Variants in TMEM65 observed in about 807,000 individuals in gnomAD.
TMEM65 encodes transmembrane protein 65.
Under a neutral mutation model 25.4 loss-of-function variants are expected in TMEM65, and 22 were observed. The observed-to-expected ratio is 0.86, with a 90% confidence interval of 0.62 to 1.23. The LOEUF is 1.23. Ranked by LOEUF, TMEM65 falls within the 50% of genes most tolerant of loss-of-function variation. The pLI is 0.00. For missense variants in TMEM65, 262 were observed against 308.2 expected, an observed-to-expected ratio of 0.85 and a Z score of 1.12; for synonymous variants, 132 against 126.2, an observed-to-expected ratio of 1.05 and a Z score of -0.31.
intron 1 of TMEM65, among the ~76,000 whole-genome samples, chr8:124,370,243 G>A (rs1814994772): frequency 6.6e-6 from 1 of 152,114 alleles, no homozygotes; most frequent in Admixed American, 6.5e-5. Flanking sequence ...TGTTTTTCAA[G>A]AACTGCCACA....
chr8:124,320,785 T>C (rs1217235201), intron 5 of TMEM65, among the ~76,000 whole-genome samples: 3 of 152,194 alleles, frequency 2.0e-5, no homozygotes, highest in African/African-American at 7.2e-5. Context: ...AAACTATGTA[T>C]ACTACCAACA....
chr8:124,326,590 A>G (rs990528250), intron 3 of TMEM65, among the ~76,000 whole-genome samples: 1 of 152,094 alleles, frequency 6.6e-6, no homozygotes, highest in Non-Finnish European at 1.5e-5. Context: ...TCTAATTGTA[A>G]TGAAAACCCC....
At chr8:124,333,496 T>TGTGC (rs1814463166) in intron 1 of TMEM65, among the ~76,000 whole-genome samples, 1 of 151,670 alleles carries the variant, frequency 6.6e-6, no homozygotes, top group Admixed American at 6.6e-5. Flanking sequence ...TGTGTGTGTG[T>TGTGC]GTCTGTGTGT....
intron 5 of TMEM65, 29 bp downstream of exon 5, chr8:124,322,076 T>TATACAAATGA: frequency 6.4e-7 from 1 of 1,563,568 alleles, no homozygotes. Context: ...AAGTACAGAA[T>TATACAAATGA]ATACAAATGA....
At chr8:124,349,114 T>C (rs140707767) in intron 1 of TMEM65, among the ~76,000 whole-genome samples, 1 of 152,322 alleles carries the variant, frequency 6.6e-6, no homozygotes, top group Non-Finnish European at 1.5e-5. Context: ...AGAACTCAGA[T>C]TCTCATTTTC....
intron 1 of TMEM65, among the ~76,000 whole-genome samples, chr8:124,332,560 T>C (rs1032064106): frequency 6.6e-6 from 1 of 152,174 alleles, no homozygotes; most frequent in Admixed American, 6.6e-5. Context: ...TATTCCTTTC[T>C]TTCTTTCCTA....
chr8:124,360,995 AAGT>A (rs1814851640), intron 1 of TMEM65, among the ~76,000 whole-genome samples: 1 of 152,240 alleles, frequency 6.6e-6, no homozygotes, highest in Non-Finnish European at 1.5e-5. Context: ...CAGAAAGGTT[AAGT>A]ATACTTAGAT....
At chr8:124,361,441 A>G (rs1022868829) in intron 1 of TMEM65, among the ~76,000 whole-genome samples, 38 of 147,110 alleles carry the variant, frequency 2.6e-4, no homozygotes, top group Admixed American at 1.1e-3. Context: ...GTCTCACGAA[A>G]AAAAAAAAAA....
chr8:124,330,446 A>G (rs142367854), intron 2 of TMEM65, among the ~76,000 whole-genome samples: 2,010 of 152,092 alleles, frequency 0.013, 48 homozygotes, highest in African/African-American at 0.046. Flanking sequence ...AATTCAAACT[A>G]AAGTAAATAC....
chr8:124,323,435 G>T, intron 3 of TMEM65, 60 bp from the exon 4 acceptor site: 1 of 934,752 alleles, frequency 1.1e-6, no homozygotes, highest in Non-Finnish European at 1.6e-6. Context: ...TAAAAGAATA[G>T]CAAAGCATTA....
chr8:124,335,495 G>A (rs540931832), intron 1 of TMEM65, among the ~76,000 whole-genome samples: 1 of 152,244 alleles, frequency 6.6e-6, no homozygotes, highest in African/African-American at 2.4e-5. Context: ...AGACATGACT[G>A]TGTAATGCAA....
intron 1 of TMEM65, among the ~76,000 whole-genome samples, chr8:124,354,293 T>C (rs1202027037): frequency 1.3e-5 from 2 of 152,202 alleles, no homozygotes; most frequent in African/African-American, 4.8e-5. Context: ...ATCTTTTTGC[T>C]CTAAAGAATT....
chr8:124,372,029 G>C lies in TMEM65; in HGVS notation c.129C>G (p.Pro43=). The C allele has an allele frequency of 1.6e-6, 2 of 1,261,246 alleles. No homozygotes were observed. The highest frequency in any genetic ancestry group is 5.1e-5 in the South Asian group (2 of 39,094). 78.1% of individuals were successfully genotyped at this position (1,261,246 alleles called of 1,614,324 possible). ...CCGRGLLALA[P]PGGLPGGPRR... Reference sequence around the variant, plus strand: ...TGGGGCCGCCCGGCAAGCCGCCGGGGGGCGCGAGCGCCAGCAGCCCCCGCC... The same window carrying C: ...TGGGGCCGCCCGGCAAGCCGCCGGGCGGCGCGAGCGCCAGCAGCCCCCGCC... Residue 43 remains proline, a synonymous_variant, in exon 1 of 7, where the codon CCC becomes CCG. Coordinates refer to ENST00000297632, the MANE Select transcript of TMEM65 (RefSeq NM_194291.3).
At chr8:124,348,211 T>C (rs985654627) in intron 1 of TMEM65, among the ~76,000 whole-genome samples, 5 of 152,132 alleles carry the variant, frequency 3.3e-5, no homozygotes, top group African/African-American at 7.2e-5. Context: ...CCTCCAAAAG[T>C]GCTGGGATTA....
intron 5 of TMEM65, among the ~76,000 whole-genome samples, chr8:124,321,801 T>C (rs1196518862): frequency 2.0e-5 from 3 of 152,134 alleles, no homozygotes; most frequent in African/African-American, 4.8e-5. Flanking sequence ...GCTTACATTA[T>C]GGTAAATTTA....
chr8:124,314,229 C>T (rs1458826520), intron 6 of TMEM65, among the ~76,000 whole-genome samples, 168 bp from the exon 7 acceptor site: 7 of 152,142 alleles, frequency 4.6e-5, no homozygotes, highest in Non-Finnish European at 1.0e-4. Flanking sequence ...TAGATATAAT[C>T]ATTATGTAAA....
At chr8:124,358,409 T>G (rs539119878) in intron 1 of TMEM65, among the ~76,000 whole-genome samples, 12 of 152,290 alleles carry the variant, frequency 7.9e-5, no homozygotes, top group African/African-American at 2.9e-4. Context: ...ATATACATAA[T>G]GAACTATAAC....
In TMEM65 at chr8:124,372,289, A is replaced by T; in HGVS notation, c.-132T>A. The T allele has an allele frequency of 1.2e-6, 1 of 861,474 alleles. No homozygotes were observed. The highest frequency in any genetic ancestry group is 1.4e-6 in the Non-Finnish European group (1 of 690,322). The allele number at this position is 861,474 out of a possible 1,614,324, so 53.4% of individuals were successfully genotyped here. A position where few individuals can be genotyped will look rare whatever the true frequency, so the allele number is the denominator to read the frequency against. ...CTGCCAGGCAGCCGAGGCGCCGGGC[A>T]CCATGCACTCCGCGGGCCCGCGCGG... On this transcript the variant is annotated 5_prime_UTR_variant, in exon 1 of 7. Transcript: ENST00000297632.
chr8:124,323,496 A>C, intron 3 of TMEM65, 121 bp from the exon 4 acceptor site: 1 of 476,106 alleles, frequency 2.1e-6, no homozygotes, highest in Non-Finnish European at 3.8e-6. Context: ...AAAATTACAT[A>C]CATCATATAT....
Sources: allele counts gnomAD v4.1 joint callset (sites outside exome capture counted in the v4.1 genomes callset), GRCh38; gene constraint gnomAD v4.1.1; transcripts MANE v1.5; gene names NCBI Gene and HGNC (gene_info 2026-07-23, HGNC 2026-07-21).